ZNF652: variants seen among roughly 807,000 people sequenced by gnomAD.
ZNF652 encodes the protein zinc finger protein 652.
In ZNF652, 16 loss-of-function variants were observed where a neutral mutation model predicts 45.2. The observed-to-expected ratio is 0.35, with a 90% confidence interval of 0.24 to 0.54. The LOEUF (loss-of-function observed/expected upper bound fraction) is 0.54. Ranked by LOEUF, ZNF652 falls within the 20% of genes least tolerant of loss-of-function variation. ZNF652 has a pLI of 0.91. For missense variants in ZNF652, 614 were observed against 765.6 expected (o/e 0.80, Z 2.34); for synonymous variants, 250 against 260.6 (o/e 0.96, Z 0.39).
rs1356601833 is a variant in ZNF652, at chr17:49,297,885, C to T, written c.*528G>A. The T allele has an allele frequency of 6.5e-6, 1 of 154,656 alleles. No individual in the cohort carries two copies. Among genetic ancestry groups the T allele is most frequent in the Non-Finnish European group, 1.4e-5 (1 of 69,348 alleles). The allele number at this position is 154,656 out of a possible 1,614,324, so 9.6% of individuals were successfully genotyped here. A position where few individuals can be genotyped will look rare whatever the true frequency, so the allele number is the denominator to read the frequency against. ...TAAAGAGTGCGTTAGGAGAGCTACA[C>T]AAAGAAGAAAATTTCTGTCTTTCTC... On this transcript the variant is annotated 3_prime_UTR_variant, in exon 6 of 6. Transcript: ENST00000430262.
chr17:49,360,848 C>A (rs371417889), intron 1 of ZNF652, among the ~76,000 whole-genome samples: 26 of 152,294 alleles, frequency 1.7e-4, no homozygotes, highest in African/African-American at 6.0e-4. Context: ...GAGAAACTTG[C>A]ACACACCATA....
At chr17:49,312,314 C>T (rs1054480203) in intron 3 of ZNF652, among the ~76,000 whole-genome samples, 4 of 151,778 alleles carry the variant, frequency 2.6e-5, no homozygotes, top group South Asian at 4.2e-4. Flanking sequence ...TACAGGCATG[C>T]GCCACCACGC....
chr17:49,307,314 C>T (rs915243801), intron 5 of ZNF652, among the ~76,000 whole-genome samples: 3 of 150,928 alleles, frequency 2.0e-5, no homozygotes, highest in Non-Finnish European at 4.4e-5. Flanking sequence ...GCCTGTAATC[C>T]CAGCTACTTG....
intron 1 of ZNF652, among the ~76,000 whole-genome samples, chr17:49,334,851 A>T (rs2070063496): frequency 6.6e-6 from 1 of 152,152 alleles, no homozygotes; most frequent in Admixed American, 6.6e-5. Context: ...CATTATGCTA[A>T]GTGAAAGAAG....
In ZNF652 at chr17:49,317,459, G is replaced by A. The variant is rs112105485; in HGVS notation, c.267C>T (p.Asp89=). The change falls in exon 2 of 6, where the codon GAC becomes GAT. Residue 89 remains aspartate, a synonymous_variant. Transcript: ENST00000430262. ...PYFRETRAVS[D]VHAVKEDREN... is the part of the protein sequence containing the mutation. ...CCCGGTCTTCCTTAACAGCATGCACGTCAGACACTGCTCTTGTCTCCCTGA... is the reference window on the plus strand; with the variant it reads ...CCCGGTCTTCCTTAACAGCATGCACATCAGACACTGCTCTTGTCTCCCTGA... 1.7e-5 allele frequency: 27 copies of A among 1,613,954 alleles called. 1 individual carries two copies. Among genetic ancestry groups the A allele is most frequent in the Middle Eastern group, 3.3e-4 (2 of 6,084 alleles).
Position 49,317,671 on chromosome 17 carries a change from C to T in ZNF652, c.55G>A (p.Val19Ile). 1 of 1,611,324 alleles carries T rather than the reference C, an allele frequency of 6.2e-7. No homozygotes were observed. Among genetic ancestry groups the T allele is most frequent in the Non-Finnish European group, 8.5e-7 (1 of 1,177,680 alleles). The change falls in exon 2 of 6, where the codon GTA becomes ATA. Residue 19 changes from valine to isoleucine, a missense_variant. Coordinates refer to ENST00000430262, the MANE Select transcript of ZNF652 (RefSeq NM_001145365.3). Reference protein sequence around the residue: ...QELVENCAVHVAGMAQEDSRR... With the variant: ...QELVENCAVHIAGMAQEDSRR... ...CTATCTTCTTGTGCCATTCCTGCTACATGCACAGCACAGTTTTCAACCAGC... is the reference window on the plus strand; with the variant it reads ...CTATCTTCTTGTGCCATTCCTGCTATATGCACAGCACAGTTTTCAACCAGC...
chr17:49,308,539 T>C (rs969834404), intron 5 of ZNF652, among the ~76,000 whole-genome samples: 1 of 152,172 alleles, frequency 6.6e-6, no homozygotes, highest in African/African-American at 2.4e-5. Flanking sequence ...TGGTGGCTCA[T>C]GCCTGTAATC....
chr17:49,304,452 T>C (rs1407136001), intron 5 of ZNF652, among the ~76,000 whole-genome samples: 2 of 152,152 alleles, frequency 1.3e-5, no homozygotes, highest in African/African-American at 4.8e-5. Context: ...TGGTTGATAT[T>C]AAGGTTTCTC....
chr17:49,353,425 T>C (rs2070302929), intron 1 of ZNF652, among the ~76,000 whole-genome samples: 1 of 152,136 alleles, frequency 6.6e-6, no homozygotes. Context: ...CCGCCTCAGC[T>C]TCCCGAAGTG....
chr17:49,316,931 G>A lies in ZNF652; in HGVS notation c.795C>T (p.Asn265=), dbSNP rs2143797437. 1.9e-6 allele frequency: 3 copies of A among 1,614,068 alleles called. No homozygotes were observed. The highest frequency in any genetic ancestry group is 1.1e-5 in the South Asian group (1 of 91,078). ...AAATCTGCATGCGCCTATGAGTAAC[G>A]TTCATGTGCTTCTCCAGGTACCAGC... is the stretch of plus-strand genomic sequence containing the variant. The part of the protein sequence containing the change: ...NTRWYLEKHM[N]VTHRRMQICD... Residue 265 remains asparagine, a synonymous_variant, in exon 2 of 6, where the codon AAC becomes AAT. Transcript: ENST00000430262.
At chr17:49,349,730 G>GTAC (rs2070249836) in intron 1 of ZNF652, among the ~76,000 whole-genome samples, 1 of 152,100 alleles carries the variant, frequency 6.6e-6, no homozygotes, top group African/African-American at 2.4e-5. Flanking sequence ...ACTGAAAAGG[G>GTAC]TACTATTGCA....
rs967700757 is a variant in ZNF652 at position 49,291,880 on chromosome 17, C to T, written c.*6533G>A. 6.6e-6 allele frequency among the ~76,000 whole-genome samples: 1 copy of T among 152,182 alleles called. No individual in the cohort carries two copies. The highest frequency in any genetic ancestry group is 2.4e-5 in the African/African-American group (1 of 41,454). On this transcript the variant is annotated 3_prime_UTR_variant, in exon 6 of 6. Coordinates refer to ENST00000430262, the MANE Select transcript of ZNF652 (RefSeq NM_001145365.3). ...AAATCTACCTTTTTCATTTTGTAAACTCACCTTCCCATCCCAAATAGCAGT... is the reference window on the plus strand; with the variant it reads ...AAATCTACCTTTTTCATTTTGTAAATTCACCTTCCCATCCCAAATAGCAGT...
At position 49,316,866 on chromosome 17, in the gene ZNF652, A is replaced by G. The variant is rs2069812225; in HGVS notation, c.860T>C (p.Leu287Pro). The change falls in exon 2 of 6, where the codon CTG becomes CCG. Residue 287 changes from leucine (L) to proline (P), a missense_variant. Leu to Pro is a moderately conservative substitution (Grantham distance 98, BLOSUM62 -3). Coordinates refer to ENST00000430262, the MANE Select transcript of ZNF652 (RefSeq NM_001145365.3). Reference sequence around the variant, plus strand: ...ACAGTCTGTTTGCTGGTGAAGGGACAGCTCACTTTCCAGGACAAACTTCTT... The same window carrying G: ...ACAGTCTGTTTGCTGGTGAAGGGACGGCTCACTTTCCAGGACAAACTTCTT... The part of the protein sequence containing the change: ...CGKKFVLESE[L>P]SLHQQTDCEK... 6.2e-7 allele frequency: 1 copy of G among 1,613,978 alleles called. No individual in the cohort carries two copies.
chr17:49,337,094 G>A (rs2070093589), intron 1 of ZNF652, among the ~76,000 whole-genome samples: 2 of 151,614 alleles, frequency 1.3e-5, no homozygotes, highest in Admixed American at 6.6e-5. Context: ...CCCAGCACTG[G>A]GAGCCAAGGT....
At chr17:49,341,233 A>C (rs2070142512) in intron 1 of ZNF652, among the ~76,000 whole-genome samples, 1 of 152,030 alleles carries the variant, frequency 6.6e-6, no homozygotes, top group South Asian at 2.1e-4. Flanking sequence ...AAAGAAAAGA[A>C]GAAAAGAAAA....
At chr17:49,326,607 G>A (rs568303405) in intron 1 of ZNF652, among the ~76,000 whole-genome samples, 2 of 152,140 alleles carry the variant, frequency 1.3e-5, no homozygotes, top group Non-Finnish European at 2.9e-5. Flanking sequence ...CTCCTCAGGG[G>A]CAAAATCAAG....
intron 1 of ZNF652, among the ~76,000 whole-genome samples, chr17:49,342,170 G>A (rs1686655851): frequency 1.3e-5 from 2 of 148,554 alleles, no homozygotes; most frequent in South Asian, 2.1e-4. Flanking sequence ...TGGATGACAA[G>A]AGCAAGACTC....
At chr17:49,347,508 T>C (rs2070216951) in intron 1 of ZNF652, among the ~76,000 whole-genome samples, 1 of 152,072 alleles carries the variant, frequency 6.6e-6, no homozygotes, top group Non-Finnish European at 1.5e-5. Context: ...GAGGCTGCAG[T>C]GAGCCGTGAT....
intron 4 of ZNF652, 116 bp from the exon 5 acceptor site, chr17:49,311,572 T>A: frequency 1.7e-6 from 2 of 1,161,608 alleles, no homozygotes; most frequent in African/African-American, 1.5e-5. Flanking sequence ...AGAACCTGCT[T>A]GTGTCAGCTA....
Sources: allele counts gnomAD v4.1 joint callset (sites outside exome capture counted in the v4.1 genomes callset), GRCh38; gene constraint gnomAD v4.1.1; transcripts MANE v1.5; gene names NCBI Gene and HGNC (gene_info 2026-07-23, HGNC 2026-07-21).